Variants in CDC42BPA observed in about 807,000 individuals in gnomAD.
CDC42BPA encodes CDC42 binding protein kinase alpha, also known as serine/threonine-protein kinase MRCK alpha.
Under a neutral mutation model 223.5 loss-of-function variants are expected in CDC42BPA, and 80 were observed. The observed-to-expected ratio is 0.36, with a 90% CI of 0.30 to 0.43. CDC42BPA has a LOEUF of 0.43. CDC42BPA is among the 20% of genes least tolerant of loss of function. CDC42BPA has a pLI of 1.00. For synonymous variants in CDC42BPA, 694 were observed against 718.6 expected (o/e 0.97, Z 0.55); for missense variants, 1,743 against 2,099.9 (o/e 0.83, Z 3.32).
At chr1:227,096,602 G>A (rs1361070191) in intron 15 of CDC42BPA, among the ~76,000 whole-genome samples, 1 of 152,156 alleles carries the variant, frequency 6.6e-6, no homozygotes, top group African/African-American at 2.4e-5. Flanking sequence ...TGACAGTGTT[G>A]TCCACTCTTG....
At position 227,209,529 on chromosome 1, in the gene CDC42BPA, C is replaced by T. The variant is rs1673485312; in HGVS notation, c.354+3607G>A. On this transcript the variant is annotated intron_variant, in intron 3 of 36. Transcript: ENST00000366766. ...AGCTCTTATTATTTTGAAATACGTC[C>T]CATCAATACCTAATTTATTGAGAGT... Among the ~76,000 whole-genome samples, 5 of 137,946 alleles carry T rather than the reference C, an allele frequency of 3.6e-5. 1 individual carries two copies. The South Asian group carries it at 1.2e-3, about 33-fold the overall frequency. 90.5% of individuals were successfully genotyped at this position (137,946 alleles called of 152,430 possible).
Position 227,068,739 on chromosome 1 carries a change from T to C in CDC42BPA, c.2904+1038A>G, listed in dbSNP as rs183889598. ...TACAGCAATAAAAAAATAGAAAATA[T>C]GGATGAAGCAATTTAATAAGAATAA... On this transcript the variant is annotated intron_variant, in intron 21 of 36. Coordinates refer to ENST00000366766, the MANE Select transcript of CDC42BPA (RefSeq NM_001394014.1). 10 of 787,490 alleles carry C rather than the reference T, an allele frequency of 1.3e-5. No individual in the cohort carries two copies. In the East Asian group the frequency reaches 7.9e-4, roughly 62 times the overall value. 48.8% of individuals were successfully genotyped at this position (787,490 alleles called of 1,614,324 possible). A position where few individuals can be genotyped will look rare whatever the true frequency, so the allele number is the denominator to read the frequency against.
intron 11 of CDC42BPA, among the ~76,000 whole-genome samples, chr1:227,120,906 T>TA (rs1286919331): frequency 6.6e-6 from 1 of 152,186 alleles, no homozygotes; most frequent in African/African-American, 2.4e-5. Context: ...GAAACTGTTC[T>TA]ACCTCAGATC....
chr1:227,010,753 G>A (rs1665016883), intron 34 of CDC42BPA: 1 of 319,494 alleles, frequency 3.1e-6, no homozygotes, highest in Non-Finnish European at 5.3e-6. Flanking sequence ...TTTGGCAGAA[G>A]AGAAATAGGC....
intron 11 of CDC42BPA, among the ~76,000 whole-genome samples, chr1:227,126,198 TTC>T (rs1478017190): frequency 6.6e-6 from 1 of 152,136 alleles, no homozygotes; most frequent in Non-Finnish European, 1.5e-5. Flanking sequence ...CTGCTCAAAG[TTC>T]TCTGTCTGCC....
intron 2 of CDC42BPA, among the ~76,000 whole-genome samples, chr1:227,250,401 T>A (rs916695507): frequency 6.6e-6 from 1 of 151,748 alleles, no homozygotes; most frequent in Non-Finnish European, 1.5e-5. Context: ...GGCAGGAGAA[T>A]CACTTGAACC....
chr1:227,310,485 C>T (rs1386154888), intron 1 of CDC42BPA, among the ~76,000 whole-genome samples: 2 of 152,082 alleles, frequency 1.3e-5, no homozygotes, highest in African/African-American at 4.8e-5. Context: ...AGCTAAAGTG[C>T]TGCTCTCATA....
intron 10 of CDC42BPA, among the ~76,000 whole-genome samples, chr1:227,133,216 G>C (rs2149544106): frequency 6.6e-6 from 1 of 150,700 alleles, no homozygotes; most frequent in Admixed American, 6.6e-5. Flanking sequence ...GGGAGGTGGG[G>C]GGGTCAGCCC....
intron 5 of CDC42BPA, among the ~76,000 whole-genome samples, chr1:227,163,030 A>ATGTG (rs1491526484): frequency 8.0e-4 from 19 of 23,846 alleles, no homozygotes; most frequent in Non-Finnish European, 1.4e-3. Flanking sequence ...GTTTCCAAAC[A>ATGTG]TATGTGTTTC....
chr1:227,112,431 C>G lies in CDC42BPA; in HGVS notation c.1891-9G>C. ...TCTGTATGAACTTCCAGCTTTAAAA[C>G]AGAATGAAAAATGCAGATTTCACGG... On this transcript the variant is annotated splice_polypyrimidine_tract_variant and intron_variant, in intron 13 of 36. Coordinates refer to ENST00000366766, the MANE Select transcript of CDC42BPA (RefSeq NM_001394014.1). The G allele has an allele frequency of 6.4e-7, 1 of 1,557,714 alleles. No individual in the cohort carries two copies. The highest frequency in any genetic ancestry group is 8.7e-7 in the Non-Finnish European group (1 of 1,150,162).
chr1:227,005,107 G>A lies in CDC42BPA; in HGVS notation c.4862C>T (p.Pro1621Leu), dbSNP rs778999374. The change falls in exon 35 of 37, where the codon CCT becomes CTT. Residue 1621 changes from proline to leucine, a missense_variant. This residue lies in a region of CDC42BPA where 200 missense variants were observed against 192.8 expected (regional missense o/e 1.04). Transcript: ENST00000366766. ...IQILKDLPMN[P>L]RPQESRTVFS... is the part of the protein sequence containing the mutation. ...TACTGTCCGACTTTCCTGAGGCCGA[G>A]GGTTCTATAAACAAAAGCGAGAGAG... is the stretch of plus-strand genomic sequence containing the variant. 19 of 1,609,572 alleles carry A rather than the reference G, an allele frequency of 1.2e-5. No individual in the cohort carries two copies. Among genetic ancestry groups the A allele is most frequent in the Non-Finnish European group, 1.4e-5 (17 of 1,176,042 alleles).
intron 1 of CDC42BPA, among the ~76,000 whole-genome samples, chr1:227,254,606 C>A (rs769433782): frequency 6.6e-6 from 1 of 152,182 alleles, no homozygotes; most frequent in Admixed American, 6.5e-5. Context: ...CGTTAGCAAA[C>A]GTCTACAGTA....
intron 14 of CDC42BPA, among the ~76,000 whole-genome samples, chr1:227,109,602 G>A (rs1009857741): frequency 3.6e-4 from 54 of 152,112 alleles, no homozygotes; most frequent in Non-Finnish European, 2.1e-4. Flanking sequence ...CTGGCCTCCA[G>A]TGATCCACCT....
At chr1:227,250,695 A>G (rs1249025311) in intron 2 of CDC42BPA, among the ~76,000 whole-genome samples, 2 of 151,772 alleles carry the variant, frequency 1.3e-5, no homozygotes, top group Admixed American at 6.6e-5. Context: ...TTAGGACCTC[A>G]AAAAATATAT....
At chr1:227,107,692 A>T (rs1336492427) in intron 14 of CDC42BPA, among the ~76,000 whole-genome samples, 3 of 152,232 alleles carry the variant, frequency 2.0e-5, no homozygotes, top group South Asian at 2.1e-4. Context: ...TCTTTTTTTA[A>T]CAAGCCGCTG....
At chr1:227,263,748 A>C (rs1684511301) in intron 1 of CDC42BPA, among the ~76,000 whole-genome samples, 1 of 151,832 alleles carries the variant, frequency 6.6e-6, no homozygotes, top group South Asian at 2.1e-4. Flanking sequence ...TGCCCGGCTA[A>C]TTTTTGTATT....
At chr1:227,252,764 A>G (rs1237699254) in intron 2 of CDC42BPA, among the ~76,000 whole-genome samples, 1 of 149,864 alleles carries the variant, frequency 6.7e-6, no homozygotes, top group Non-Finnish European at 1.5e-5. Context: ...AATTCAACAC[A>G]TTAACAAAGT....
At chr1:227,068,647 G>T in intron 21 of CDC42BPA, 1 of 1,187,466 alleles carries the variant, frequency 8.4e-7, no homozygotes, top group African/African-American at 1.6e-5. Flanking sequence ...GAAAATCAAA[G>T]ACTTACGTCA....
intron 15 of CDC42BPA, among the ~76,000 whole-genome samples, chr1:227,097,521 C>T (rs1452523471): frequency 6.6e-6 from 1 of 152,136 alleles, no homozygotes; most frequent in African/African-American, 2.4e-5. Flanking sequence ...AGGTGATGAT[C>T]AGGTGGTTGT....
Sources: gnomAD v4.1 joint callset for allele counts (sites outside exome capture counted in the v4.1 genomes callset) on GRCh38, gnomAD v4.1.1 for gene constraint, gnomAD v4.1.1 regional missense constraint, MANE v1.5 for transcripts, NCBI Gene and HGNC (gene_info 2026-07-23, HGNC 2026-07-21) for gene names.